Variants in DERL2 observed in about 807,000 individuals in gnomAD.
DERL2 encodes the protein derlin-2.
A neutral mutation model predicts 32.0 loss-of-function variants in DERL2; 13 were observed. The ratio of observed to expected loss-of-function variants is 0.41; its 90% CI spans 0.26 to 0.65. The LOEUF is 0.65. Ranked by LOEUF, DERL2 falls within the 30% of genes least tolerant of loss-of-function variation. The probability of loss-of-function intolerance (pLI) is 0.35; values close to 1 mark genes in which losing one functional copy is unlikely to be tolerated. For missense variants in DERL2, 208 were observed against 296.3 expected (o/e 0.70, Z 2.19); for synonymous variants, 111 against 104.7 (o/e 1.06, Z -0.37).
chr17:5,485,323 G>A, intron 1 of DERL2, 107 bp from the exon 2 acceptor site: 1 of 723,616 alleles, frequency 1.4e-6, no homozygotes, highest in Non-Finnish European at 2.3e-6. Flanking sequence ...TCACTTAGAC[G>A]TGATTTCCTT....
intron 3 of DERL2, chr17:5,482,370 A>G (rs1905846895): frequency 5.7e-6 from 1 of 176,676 alleles, no homozygotes; most frequent in African/African-American, 2.4e-5. Context: ...AGCAGACACA[A>G]CCACTGTCTT....
chr17:5,478,782 G>A (rs1421639069), intron 6 of DERL2, among the ~76,000 whole-genome samples: 2 of 151,952 alleles, frequency 1.3e-5, no homozygotes, highest in African/African-American at 4.8e-5. Flanking sequence ...AACACTTCAG[G>A]GTGGAAAAAA....
chr17:5,480,596 T>C lies in DERL2; in HGVS notation c.328-14A>G. On this transcript the variant is annotated splice_polypyrimidine_tract_variant and intron_variant, in intron 4 of 6. Coordinates refer to ENST00000158771, the MANE Select transcript of DERL2 (RefSeq NM_016041.5). ...CAGACCAAAAAGCTAGCAGATGGCA[T>C]TAAGGAAAATATCAACATTAAAAGT... is the stretch of plus-strand genomic sequence containing the variant. 7 of 1,473,824 alleles carry C rather than the reference T, an allele frequency of 4.7e-6. No homozygotes were observed. The highest frequency in any genetic ancestry group is 6.3e-6 in the Non-Finnish European group (7 of 1,115,730). The allele number at this position is 1,473,824 out of a possible 1,614,324, so 91.3% of individuals were successfully genotyped here. A position where few individuals can be genotyped will look rare whatever the true frequency, so the allele number is the denominator to read the frequency against.
rs1905291560 is a variant in DERL2 at position 5,474,929 on chromosome 17, G to T, written c.615-140C>A. On this transcript the variant is annotated intron_variant, in intron 6 of 6. Transcript: ENST00000158771. This position sits in a 1 kb window ranked among gnomAD's most constrained non-coding sequence, Gnocchi z 4.3. Reference sequence around the variant, plus strand: ...CTGCCAATTAAACAGTTAACATATTGTAAGAGCATCTATAATTATTAACAT... The same window carrying T: ...CTGCCAATTAAACAGTTAACATATTTTAAGAGCATCTATAATTATTAACAT... 6.2e-6 allele frequency: 3 copies of T among 484,494 alleles called. No individual in the cohort carries two copies. Among genetic ancestry groups the T allele is most frequent in the Non-Finnish European group, 1.1e-5 (3 of 274,028 alleles). 30.0% of individuals were successfully genotyped at this position (484,494 alleles called of 1,614,324 possible).
At chr17:5,475,019 G>C (rs1023338744) in intron 6 of DERL2, among the ~76,000 whole-genome samples, 12 of 152,144 alleles carry the variant, frequency 7.9e-5, no homozygotes, top group African/African-American at 2.9e-4. Flanking sequence ...AATAATTACA[G>C]AGAAGGAGGA....
intron 6 of DERL2, 128 bp downstream of exon 6, chr17:5,479,926 G>T: frequency 1.6e-6 from 1 of 612,956 alleles, no homozygotes; most frequent in Non-Finnish European, 2.9e-6. Context: ...TAGCCAGAAT[G>T]CTCAATCTGC....
Position 5,472,643 on chromosome 17 carries a change from C to T in DERL2, c.*2041G>A, listed in dbSNP as rs1406213619. The T allele has an allele frequency of 6.6e-6, 1 of 152,108 alleles. No individual in the cohort carries two copies. The highest frequency in any genetic ancestry group is 1.5e-5 in the Non-Finnish European group (1 of 68,038). The allele number at this position is 152,108 out of a possible 1,614,324, so 9.4% of individuals were successfully genotyped here. On this transcript the variant is annotated 3_prime_UTR_variant, in exon 7 of 7. Transcript: ENST00000158771. ...AGTCATTAATGTATACAGATATTCCCTACTTAAATGAACAGTGAGTTAACA... is the reference window on the plus strand; with the variant it reads ...AGTCATTAATGTATACAGATATTCCTTACTTAAATGAACAGTGAGTTAACA...
intron 6 of DERL2, among the ~76,000 whole-genome samples, chr17:5,479,498 A>T (rs1345711436): frequency 5.0e-5 from 2 of 40,240 alleles, no homozygotes; most frequent in South Asian, 1.2e-3. Context: ...ACTCCATGTA[A>T]AAAAAAAAAA....
upstream of DERL2, chr17:5,486,220 GC>G (rs1469212599): frequency 1.4e-6 from 2 of 1,388,412 alleles, no homozygotes; most frequent in Non-Finnish European, 1.9e-6. Flanking sequence ...CCGCCAGCAG[GC>G]CCCGGCGGCG....
chr17:5,474,418 G>A lies in DERL2; in HGVS notation c.*266C>T, dbSNP rs1905263351. On this transcript the variant is annotated 3_prime_UTR_variant, in exon 7 of 7. Transcript: ENST00000158771. This position sits in a 1 kb window ranked among gnomAD's most constrained non-coding sequence, Gnocchi z 4.3. ...TATACCATAAAAATCAAGTACTCAT[G>A]TACTTGTTAGAGGTGGCAGGATATT... The A allele has an allele frequency of 2.9e-6, 1 of 349,186 alleles. No individual in the cohort carries two copies. The highest frequency in any genetic ancestry group is 5.8e-5 in the East Asian group (1 of 17,322). The allele number at this position is 349,186 out of a possible 1,614,324, so 21.6% of individuals were successfully genotyped here.
At chr17:5,475,416 C>A (rs917785641) in intron 6 of DERL2, among the ~76,000 whole-genome samples, 4 of 151,950 alleles carry the variant, frequency 2.6e-5, no homozygotes, top group African/African-American at 7.2e-5. Flanking sequence ...CCCGCCACCA[C>A]GCCCGGCTGA....
At chr17:5,480,300 T>C in intron 5 of DERL2, 87 bp downstream of exon 5, 1 of 1,392,430 alleles carries the variant, frequency 7.2e-7, no homozygotes, top group South Asian at 1.3e-5. Context: ...AGGTAATACG[T>C]GAAGGCCAAA....
chr17:5,475,256 G>T (rs1036155278), intron 6 of DERL2, among the ~76,000 whole-genome samples: 2 of 150,660 alleles, frequency 1.3e-5, no homozygotes, highest in African/African-American at 2.4e-5. Flanking sequence ...ACATATAATA[G>T]AATTTTTTTT....
intron 6 of DERL2, 30 bp downstream of exon 6, chr17:5,480,024 A>T: frequency 7.2e-7 from 1 of 1,395,014 alleles, no homozygotes; most frequent in Non-Finnish European, 1.0e-6. Flanking sequence ...TTTGCCTGTA[A>T]GAGTATGTAA....
Position 5,486,072 on chromosome 17 carries a change from G to A in DERL2, c.90C>T (p.Ala30=), listed in dbSNP as rs1210397065. ...AGGTGGCACTGCAGCTGCTCACCAC[G>A]GCGGCGGTGGTGAGGACGCAGGCAG... ...YTTACVLTTA[A]VQLELITPFQ... The change falls in exon 1 of 7, where the codon GCC becomes GCT. Residue 30 remains alanine (A), a synonymous_variant. Coordinates refer to ENST00000158771, the MANE Select transcript of DERL2 (RefSeq NM_016041.5). 2 of 1,609,652 alleles carry A rather than the reference G, an allele frequency of 1.2e-6. No homozygotes were observed. Among genetic ancestry groups the A allele is most frequent in the Non-Finnish European group, 1.7e-6 (2 of 1,177,774 alleles).
rs896293149 is a variant in DERL2, at chr17:5,472,840, C to T, written c.*1844G>A. On this transcript the variant is annotated 3_prime_UTR_variant, in exon 7 of 7. Coordinates refer to ENST00000158771, the MANE Select transcript of DERL2 (RefSeq NM_016041.5). ...CTGATAAAGCGTTCTTGAGCAAAAA[C>T]AAGATAGGATAAAACTTAAGAATCC... is the stretch of plus-strand genomic sequence containing the variant. 2.0e-5 allele frequency: 3 copies of T among 150,720 alleles called. No homozygotes were observed. Among genetic ancestry groups the T allele is most frequent in the African/African-American group, 7.3e-5 (3 of 41,054 alleles). The allele number at this position is 150,720 out of a possible 1,614,324, so 9.3% of individuals were successfully genotyped here. A position where few individuals can be genotyped will look rare whatever the true frequency, so the allele number is the denominator to read the frequency against.
chr17:5,480,609 C>A, intron 4 of DERL2, 27 bp from the exon 5 acceptor site: 1 of 1,459,732 alleles, frequency 6.9e-7, no homozygotes, highest in South Asian at 1.6e-5. Context: ...AGGAAAATAT[C>A]AACATTAAAA....
intron 2 of DERL2, 60 bp from the exon 3 acceptor site, chr17:5,482,942 T>A: frequency 1.1e-6 from 1 of 916,994 alleles, no homozygotes; most frequent in South Asian, 1.5e-5. Context: ...AGGAAACAGT[T>A]CCATATTAAT....
chr17:5,471,610 AAAAC>A lies in DERL2; in HGVS notation c.*3070_*3073del, dbSNP rs1354151523. The stretch of plus-strand genomic sequence containing the variant: ...TAGAAGTGGGAGTAAAGTTAAGAAA[AAAAC>A]AAGTATGCATATAATGTAGGGGCTT... On this transcript the variant is annotated 3_prime_UTR_variant, in exon 7 of 7. Coordinates refer to ENST00000158771, the MANE Select transcript of DERL2 (RefSeq NM_016041.5). The A allele has an allele frequency of 3.9e-5, 6 of 152,378 alleles. No individual in the cohort carries two copies. The East Asian group carries it at 1.2e-3, about 29-fold the overall frequency. The allele number at this position is 152,378 out of a possible 1,614,324, so 9.4% of individuals were successfully genotyped here. A position where few individuals can be genotyped will look rare whatever the true frequency, so the allele number is the denominator to read the frequency against.
Sources: allele counts gnomAD v4.1 joint callset (sites outside exome capture counted in the v4.1 genomes callset), GRCh38; gene constraint gnomAD v4.1.1; non-coding constraint Gnocchi (gnomAD v3.1); transcripts MANE v1.5; gene names NCBI Gene and HGNC (gene_info 2026-07-23, HGNC 2026-07-21).